CUX2: variants seen among roughly 807,000 people sequenced by gnomAD.
CUX2 encodes the protein cut like homeobox 2.
In CUX2, 40 loss-of-function variants were observed where a neutral mutation model predicts 144.8. The observed-to-expected ratio is 0.28, with a 90% CI of 0.21 to 0.36. CUX2 has a LOEUF of 0.36. Ranked by LOEUF, CUX2 falls within the 10% of genes least tolerant of loss-of-function variation. The probability of loss-of-function intolerance (pLI) is 1.00; values close to 1 mark genes in which losing one functional copy is unlikely to be tolerated. For synonymous variants in CUX2, 827 were observed against 875.6 expected (o/e 0.94, Z 0.98); for missense variants, 1,615 against 1,994.0 (o/e 0.81, Z 3.62).
intron 1 of CUX2, among the ~76,000 whole-genome samples, chr12:111,130,708 A>G (rs957781906): frequency 5.9e-5 from 9 of 152,226 alleles, no homozygotes; most frequent in Admixed American, 5.9e-4. Context: ...CCAGTCTTCA[A>G]TCTCTTCCTT....
rs1877693740 is a variant in CUX2 at position 111,160,589 on chromosome 12, G to A, written c.64-53611G>A. On this transcript the variant is annotated intron_variant, in intron 1 of 21. Coordinates refer to ENST00000261726, the MANE Select transcript of CUX2 (RefSeq NM_015267.4). The surrounding 1 kb of genome is among the most constrained non-coding windows in gnomAD (Gnocchi z 4.1). Reference sequence around the variant, plus strand: ...GAGCAGGGTGGCACTTGGCTGTGGAGGTCTCCTTGGCCACACGAAGGGGCC... The same window carrying A: ...GAGCAGGGTGGCACTTGGCTGTGGAAGTCTCCTTGGCCACACGAAGGGGCC... 4.6e-5 allele frequency among the ~76,000 whole-genome samples: 7 copies of A among 152,178 alleles called. No individual in the cohort carries two copies. The highest frequency in any genetic ancestry group is 4.6e-4 in the Admixed American group (7 of 15,276).
chr12:111,154,208 C>T (rs566086114), intron 1 of CUX2, among the ~76,000 whole-genome samples: 3 of 152,028 alleles, frequency 2.0e-5, no homozygotes, highest in East Asian at 1.9e-4. Context: ...CTGGGGCTCT[C>T]GGTGAAGGGG....
intron 16 of CUX2, among the ~76,000 whole-genome samples, chr12:111,319,200 G>C (rs1354418630): frequency 6.6e-6 from 1 of 151,932 alleles, no homozygotes; most frequent in East Asian, 1.9e-4. Context: ...TGTAGTCCCA[G>C]CACTTTGGGA....
chr12:111,135,634 G>C (rs1875829637), intron 1 of CUX2, among the ~76,000 whole-genome samples: 1 of 152,192 alleles, frequency 6.6e-6, no homozygotes, highest in Non-Finnish European at 1.5e-5. Flanking sequence ...CCATACAATG[G>C]AATATTATTC....
In CUX2 at chr12:111,322,742, G is replaced by A. The variant is rs1327037762; in HGVS notation, c.2926+162G>A. On this transcript the variant is annotated intron_variant, in intron 18 of 21. Transcript: ENST00000261726. The surrounding 1 kb of genome is among the most constrained non-coding windows in gnomAD (Gnocchi z 4.2). ...ATGGCTGCACTGGAACATGGCGGGGGGTCCTGGGGTTTCTCTGCTCCCCTT... is the reference window on the plus strand; with the variant it reads ...ATGGCTGCACTGGAACATGGCGGGGAGTCCTGGGGTTTCTCTGCTCCCCTT... 1.3e-5 allele frequency among the ~76,000 whole-genome samples: 2 copies of A among 152,168 alleles called. No homozygotes were observed. The highest frequency in any genetic ancestry group is 1.3e-4 in the Admixed American group (2 of 15,284).
chr12:111,319,986 G>T, intron 16 of CUX2, 26 bp from the exon 17 acceptor site: 5 of 1,459,056 alleles, frequency 3.4e-6, no homozygotes, highest in Non-Finnish European at 4.5e-6. Flanking sequence ...CCTGGGCCTC[G>T]GGCCGTCCTG....
intron 1 of CUX2, among the ~76,000 whole-genome samples, chr12:111,148,474 T>C (rs1308277873): frequency 6.6e-6 from 1 of 152,228 alleles, no homozygotes; most frequent in Admixed American, 6.5e-5. Flanking sequence ...ATTATGTGAA[T>C]GTATTTAATG....
intron 1 of CUX2, among the ~76,000 whole-genome samples, chr12:111,148,184 A>G (rs1162034084): frequency 1.3e-5 from 2 of 152,208 alleles, no homozygotes; most frequent in African/African-American, 2.4e-5. Context: ...ATACAGTGGA[A>G]TACTATACAG....
intron 3 of CUX2, among the ~76,000 whole-genome samples, chr12:111,224,426 C>T (rs1229038298): frequency 5.3e-5 from 8 of 150,748 alleles, no homozygotes; most frequent in African/African-American, 4.9e-5. Context: ...CCATGTGCTG[C>T]GTCCTTCTTT....
chr12:111,037,275 C>G lies in CUX2; in HGVS notation c.63+3035C>G, dbSNP rs1419099570. ...CGTGGTTGCTGAGCATTAAAGTGGCCGAGGCAACATGGGCGGCCCCGTGTC... is the reference window on the plus strand; with the variant it reads ...CGTGGTTGCTGAGCATTAAAGTGGCGGAGGCAACATGGGCGGCCCCGTGTC... On this transcript the variant is annotated intron_variant, in intron 1 of 21. Coordinates refer to ENST00000261726, the MANE Select transcript of CUX2 (RefSeq NM_015267.4). The surrounding 1 kb of genome is among the most constrained non-coding windows in gnomAD (Gnocchi z 5.4). 1.3e-5 allele frequency among the ~76,000 whole-genome samples: 2 copies of G among 152,154 alleles called. No individual in the cohort carries two copies. The highest frequency in any genetic ancestry group is 6.5e-5 in the Admixed American group (1 of 15,272).
chr12:111,098,434 CAG>C lies in CUX2; in HGVS notation c.63+64195_63+64196del, dbSNP rs760161357. Among the ~76,000 whole-genome samples the C allele has an allele frequency of 2.6e-5, 4 of 151,372 alleles. No homozygotes were observed. In the South Asian group the frequency reaches 8.4e-4, roughly 32 times the overall value. ...AAAAAAAAGAACTGAGTGGGAGAGA[CAG>C]GGAGGAGCTGCTGCAGTCATCGGCC... On this transcript the variant is annotated intron_variant, in intron 1 of 21. Coordinates refer to ENST00000261726, the MANE Select transcript of CUX2 (RefSeq NM_015267.4).
intron 3 of CUX2, among the ~76,000 whole-genome samples, chr12:111,233,601 G>A (rs541702046): frequency 3.3e-4 from 50 of 152,276 alleles, no homozygotes; most frequent in Non-Finnish European, 5.4e-4. Flanking sequence ...AGGGGGCGGG[G>A]GAGCAAGGGG....
At chr12:111,270,155 A>AC (rs1175004333) in intron 4 of CUX2, 1 of 150,614 alleles carries the variant, frequency 6.6e-6, no homozygotes, top group Non-Finnish European at 1.5e-5. Context: ...CCCAGCTCCA[A>AC]CCCCCTCCAT....
Position 111,105,104 on chromosome 12 carries a change from T to C in CUX2, c.63+70864T>C, listed in dbSNP as rs564278318. On this transcript the variant is annotated intron_variant, in intron 1 of 21. Coordinates refer to ENST00000261726, the MANE Select transcript of CUX2 (RefSeq NM_015267.4). ...CCTGGGCTCATCGCTATCCCCAGAA[T>C]TGACTCGGGGGCCACATTGAGGGTC... is the stretch of plus-strand genomic sequence containing the variant. Among the ~76,000 whole-genome samples, 3 of 152,316 alleles carry C rather than the reference T, an allele frequency of 2.0e-5. No individual in the cohort carries two copies. The East Asian group carries it at 5.8e-4, about 29-fold the overall frequency.
At chr12:111,297,627 T>C (rs1394848971) in intron 8 of CUX2, among the ~76,000 whole-genome samples, 1 of 152,180 alleles carries the variant, frequency 6.6e-6, no homozygotes, top group Non-Finnish European at 1.5e-5. Flanking sequence ...GACTCAAGCG[T>C]TTCTTTAGGC....
At chr12:111,254,063 T>A (rs2136278723) in intron 3 of CUX2, among the ~76,000 whole-genome samples, 1 of 152,174 alleles carries the variant, frequency 6.6e-6, no homozygotes, top group Non-Finnish European at 1.5e-5. Context: ...GTCTCTACCC[T>A]TGGGATGCCC....
chr12:111,209,085 T>C (rs914486058), intron 1 of CUX2, among the ~76,000 whole-genome samples: 2 of 152,214 alleles, frequency 1.3e-5, no homozygotes, highest in Non-Finnish European at 2.9e-5. Flanking sequence ...GAGAGAGTAC[T>C]CTAGGGAGTT....
intron 10 of CUX2, among the ~76,000 whole-genome samples, chr12:111,306,144 A>G (rs1351590067): frequency 6.6e-6 from 1 of 152,146 alleles, no homozygotes; most frequent in Non-Finnish European, 1.5e-5. Context: ...GGAACCCGGC[A>G]AATGCCTGTG....
At chr12:111,105,325 C>T (rs561866370) in intron 1 of CUX2, among the ~76,000 whole-genome samples, 5 of 152,306 alleles carry the variant, frequency 3.3e-5, no homozygotes, top group South Asian at 2.1e-4. Flanking sequence ...GCCATGGCCT[C>T]GGGGGCCCGA....
Sources: gnomAD v4.1 joint callset for allele counts (sites outside exome capture counted in the v4.1 genomes callset) on GRCh38, gnomAD v4.1.1 for gene constraint, Gnocchi (gnomAD v3.1) non-coding constraint, MANE v1.5 for transcripts, NCBI Gene and HGNC (gene_info 2026-07-23, HGNC 2026-07-21) for gene names.